TCF25: variants seen among roughly 807,000 people sequenced by gnomAD.
The protein encoded by TCF25 is TCF25 ribosome quality control complex subunit, also known as ribosome quality control complex subunit TCF25.
A neutral mutation model predicts 83.1 loss-of-function variants in TCF25; 41 were observed. The ratio of observed to expected loss-of-function variants is 0.49; its 90% confidence interval spans 0.38 to 0.64. The LOEUF (loss-of-function observed/expected upper bound fraction) is 0.64, where lower values mean the gene tolerates loss of function less well. Among genes scored for constraint, TCF25 ranks in the 30% least tolerant of loss-of-function variants. The pLI, the probability that TCF25 is intolerant of heterozygous loss-of-function variation, is 0.00. For missense variants in TCF25, 979 were observed against 914.5 expected (o/e 1.07, Z -0.91); for synonymous variants, 458 against 365.0 (o/e 1.25, Z -2.90).
At chr16:89,908,346 CCTCCCAG>C (rs1297859379) in intron 16 of TCF25, among the ~76,000 whole-genome samples, 1 of 146,874 alleles carries the variant, frequency 6.8e-6, no homozygotes, top group Admixed American at 6.8e-5. Flanking sequence ...ACAGTTCCCA[CCTCCCAG>C]CTCCCATCTT....
At chr16:89,904,753 C>T in intron 13 of TCF25, 185 bp from the exon 14 acceptor site, 1 of 740,362 alleles carries the variant, frequency 1.4e-6, no homozygotes, top group South Asian at 1.5e-5. Context: ...GCCCAACAGG[C>T]TCACGGCACA....
Position 89,900,631 on chromosome 16 carries a change from G to C in TCF25, c.1222-4G>C, listed in dbSNP as rs199648155. ...TCCACGCTCTGTTTCTTCGTCCCTC[G>C]TAGGCTCATCGGAACCTGTCCCAGC... On this transcript the variant is annotated splice_region_variant and splice_polypyrimidine_tract_variant and intron_variant, in intron 11 of 17. Transcript: ENST00000263346. 6.3e-7 allele frequency: 1 copy of C among 1,584,774 alleles called. No individual in the cohort carries two copies. Among genetic ancestry groups the C allele is most frequent in the South Asian group, 1.1e-5 (1 of 90,138 alleles).
chr16:89,905,901 C>T (rs2044736205), intron 14 of TCF25, among the ~76,000 whole-genome samples: 1 of 152,226 alleles, frequency 6.6e-6, no homozygotes. Context: ...GAGATGAACT[C>T]AGTGACTTCC....
chr16:89,887,797 C>A, intron 5 of TCF25, 80 bp downstream of exon 5: 1 of 1,345,010 alleles, frequency 7.4e-7, no homozygotes, highest in Non-Finnish European at 1.0e-6. Flanking sequence ...GTTCCTGAAG[C>A]TAGTTTACCC....
chr16:89,884,543 C>A, intron 2 of TCF25, 39 bp from the exon 3 acceptor site: 2 of 1,602,368 alleles, frequency 1.2e-6, no homozygotes, highest in Non-Finnish European at 1.7e-6. Flanking sequence ...TTAAGATTTA[C>A]TTCTCATTCT....
intron 9 of TCF25, among the ~76,000 whole-genome samples, chr16:89,896,839 C>T (rs546507829): frequency 6.6e-6 from 1 of 152,106 alleles, no homozygotes; most frequent in Admixed American, 6.5e-5. Context: ...CAGGCGTGAG[C>T]CACCGCGCCC....
chr16:89,903,051 C>T (rs1049512111), intron 12 of TCF25, among the ~76,000 whole-genome samples: 12 of 152,340 alleles, frequency 7.9e-5, no homozygotes, highest in South Asian at 2.1e-4. Context: ...GCACCTTTGT[C>T]CTCCTCTGGG....
chr16:89,889,211 A>G (rs780132872), intron 5 of TCF25: 1 of 394,178 alleles, frequency 2.5e-6, no homozygotes, highest in Non-Finnish European at 4.9e-6. Flanking sequence ...ATTTATTTTT[A>G]TTTTTTTATT....
At position 89,904,987 on chromosome 16, in the gene TCF25, C is replaced by T. The variant is rs1489463500; in HGVS notation, c.1519C>T (p.His507Tyr). 2 of 1,608,106 alleles carry T rather than the reference C, an allele frequency of 1.2e-6. No homozygotes were observed. Among genetic ancestry groups the T allele is most frequent in the East Asian group, 4.5e-5 (2 of 44,566 alleles). ...QLVNLYLGRSHFLWKEPATMS... is the reference protein window; with the variant it reads ...QLVNLYLGRSYFLWKEPATMS... ...GGTGAACCTGTACCTTGGGAGGTCA[C>T]ACTTTCTCTGGAAAGAGCCCGCCAC... The change falls in exon 14 of 18, where the codon CAC becomes TAC. Residue 507 changes from histidine to tyrosine, a missense_variant. Transcript: ENST00000263346.
At chr16:89,904,849 C>G in intron 13 of TCF25, 89 bp from the exon 14 acceptor site, 1 of 1,488,150 alleles carries the variant, frequency 6.7e-7, no homozygotes, top group Non-Finnish European at 9.1e-7. Flanking sequence ...CCCTGGACCC[C>G]CCGTCTGCCC....
chr16:89,873,665 C>T lies in TCF25; in HGVS notation c.-3C>T, dbSNP rs762244532. 1.9e-6 allele frequency: 3 copies of T among 1,596,414 alleles called. No homozygotes were observed. In the African/African-American group the frequency reaches 4.1e-5, roughly 22 times the overall value. On this transcript the variant is annotated 5_prime_UTR_variant, in exon 1 of 18. Transcript: ENST00000263346. ...TCTCCAGACGTCGTGGTCGTTCGGT[C>T]CTATGTCGCGCCGGGCCCTCCGGAG...
At position 89,911,211 on chromosome 16, in the gene TCF25, C is replaced by A; in HGVS notation, c.2004C>A (p.Asp668Glu). 1 of 1,612,462 alleles carries A rather than the reference C, an allele frequency of 6.2e-7. No individual in the cohort carries two copies. Among genetic ancestry groups the A allele is most frequent in the South Asian group, 1.1e-5 (1 of 91,048 alleles). The change falls in exon 18 of 18, where the codon GAC (aspartate) becomes GAA (glutamate). Residue 668 changes from aspartate to glutamate, a missense_variant. Physicochemically the swap from Asp to Glu is conservative, Grantham distance 45 (BLOSUM62 2). Transcript: ENST00000263346. ...LNDLEAPHED[D>E]AEGEGEWD ...ACCTGGAGGCGCCGCACGAGGACGA[C>A]GCTGAGGGGGAGGGGGAGTGGGACT...
rs1011689427 is a variant in TCF25, at chr16:89,898,096, G to A, written c.1023-461G>A. Among the ~76,000 whole-genome samples, 4 of 150,532 alleles carry A rather than the reference G, an allele frequency of 2.7e-5. No homozygotes were observed. In the South Asian group the frequency reaches 6.3e-4, roughly 24 times the overall value. On this transcript the variant is annotated intron_variant, in intron 9 of 17. Transcript: ENST00000263346. ...TGCACTCCAGCCTGGGTGACAGAGCGAGACTCCGTCTCAAAAAAAAAAAAA... is the reference window on the plus strand; with the variant it reads ...TGCACTCCAGCCTGGGTGACAGAGCAAGACTCCGTCTCAAAAAAAAAAAAA...
At chr16:89,875,263 T>C (rs1224840397) in intron 1 of TCF25, among the ~76,000 whole-genome samples, 3 of 152,248 alleles carry the variant, frequency 2.0e-5, no homozygotes, top group South Asian at 2.1e-4. Flanking sequence ...AGCACCTAGC[T>C]ATGTATTCGT....
intron 4 of TCF25, among the ~76,000 whole-genome samples, chr16:89,886,699 T>A (rs76754692): frequency 5.3e-5 from 8 of 150,808 alleles, no homozygotes; most frequent in Non-Finnish European, 7.4e-5. Flanking sequence ...GAGGCGGAGG[T>A]TGCGGTGAGC....
At chr16:89,898,691 C>G (rs1484841496) in intron 10 of TCF25, 42 bp downstream of exon 10, 1 of 1,611,774 alleles carries the variant, frequency 6.2e-7, no homozygotes, top group Non-Finnish European at 8.5e-7. Flanking sequence ...CGCTCCCTGT[C>G]CTGGCTGCAG....
chr16:89,874,186 G>T (rs1052353054), intron 1 of TCF25, among the ~76,000 whole-genome samples: 1 of 152,236 alleles, frequency 6.6e-6, no homozygotes, highest in East Asian at 1.9e-4. Flanking sequence ...GGTTGTGGAG[G>T]GTGCGGGGCC....
chr16:89,894,853 C>T, intron 7 of TCF25, 185 bp from the exon 8 acceptor site: 2 of 487,844 alleles, frequency 4.1e-6, no homozygotes, highest in East Asian at 7.2e-5. Context: ...CCACGTTGGC[C>T]AGGCTGGTCT....
At position 89,900,776 on chromosome 16, in the gene TCF25, C is replaced by T; in HGVS notation, c.1363C>T (p.Leu455Phe). The T allele has an allele frequency of 6.3e-7, 1 of 1,584,042 alleles. No individual in the cohort carries two copies. Among genetic ancestry groups the T allele is most frequent in the South Asian group, 1.1e-5 (1 of 90,164 alleles). The change falls in exon 12 of 18, where the codon CTC (leucine) becomes TTC (phenylalanine). Residue 455 changes from leucine to phenylalanine, a missense_variant. Physicochemically the swap from Leu to Phe is conservative, Grantham distance 22. Coordinates refer to ENST00000263346, the MANE Select transcript of TCF25 (RefSeq NM_014972.3). ...GGCCTCTCTCCTGATACAGCAGGCG[C>T]TCACCATGTTCCCTGGAGGTGAGTG... ...QKASLLIQQA[L>F]TMFPGVLLPL...
Sources: allele counts gnomAD v4.1 joint callset (sites outside exome capture counted in the v4.1 genomes callset), GRCh38; gene constraint gnomAD v4.1.1; transcripts MANE v1.5; gene names NCBI Gene and HGNC (gene_info 2026-07-23, HGNC 2026-07-21).